ACOXL: variants seen among roughly 807,000 people sequenced by gnomAD.
The protein encoded by ACOXL is acyl-coenzyme A oxidase-like protein.
In ACOXL, 70 loss-of-function variants were observed where a neutral mutation model predicts 71.9. The ratio of observed to expected loss-of-function variants is 0.97; its 90% CI spans 0.80 to 1.19. ACOXL has a LOEUF of 1.19. ACOXL is among the 50% of genes most tolerant of loss of function. The pLI is 0.00. For missense variants in ACOXL, 703 were observed against 736.3 expected, an observed-to-expected ratio of 0.95 and a Z score of 0.52; for synonymous variants, 253 against 281.6, an observed-to-expected ratio of 0.90 and a Z score of 1.02.
intron 17 of ACOXL, chr2:111,098,399 C>T (rs2068927654): frequency 6.6e-6 from 1 of 152,172 alleles, no homozygotes; most frequent in African/African-American, 2.4e-5. Flanking sequence ...TTATCCTGGG[C>T]CTCATGTGGC....
chr2:110,982,527 T>A (rs2062754365), intron 12 of ACOXL, among the ~76,000 whole-genome samples: 1 of 152,146 alleles, frequency 6.6e-6, no homozygotes, highest in African/African-American at 2.4e-5. Flanking sequence ...TGATGGGATG[T>A]CCAGCATCTA....
intron 17 of ACOXL, chr2:111,113,171 T>C (rs1431048176): frequency 6.6e-6 from 1 of 152,146 alleles, no homozygotes; most frequent in African/African-American, 2.4e-5. Flanking sequence ...GGGGAAAAGA[T>C]GAAGGCAAAA....
At position 110,879,714 on chromosome 2, in the gene ACOXL, C is replaced by T. The variant is rs573961936; in HGVS notation, c.789-29075C>T. ...CATGTCTGGAGCCAAGCACTTAGGG[C>T]GTTTTTTTGCTCAGTAACAAGGGCA... On this transcript the variant is annotated intron_variant, in intron 10 of 17. Transcript: ENST00000439055. Among the ~76,000 whole-genome samples the T allele has an allele frequency of 2.0e-5, 3 of 152,118 alleles. 1 individual carries two copies. The highest frequency in any genetic ancestry group is 4.2e-4 in the South Asian group (2 of 4,818).
chr2:110,845,558 AC>A (rs1248611991), intron 10 of ACOXL, among the ~76,000 whole-genome samples: 2 of 152,086 alleles, frequency 1.3e-5, no homozygotes, highest in African/African-American at 4.8e-5. Context: ...GCAAACTGTA[AC>A]TCCATACCCA....
chr2:110,809,361 T>A (rs1188959346), intron 9 of ACOXL, among the ~76,000 whole-genome samples: 1 of 152,220 alleles, frequency 6.6e-6, no homozygotes, highest in East Asian at 1.9e-4. Context: ...GCAGCTGAGC[T>A]GCGGGGCTGC....
chr2:110,990,241 A>G (rs2063117655), intron 13 of ACOXL, among the ~76,000 whole-genome samples: 2 of 152,050 alleles, frequency 1.3e-5, no homozygotes, highest in Non-Finnish European at 2.9e-5. Flanking sequence ...GGGTTGTATA[A>G]TTTTTTCCAT....
At chr2:111,035,195 G>A (rs1429081816) in intron 15 of ACOXL, among the ~76,000 whole-genome samples, 1 of 152,126 alleles carries the variant, frequency 6.6e-6, no homozygotes, top group Non-Finnish European at 1.5e-5. Context: ...CACCCCAGAT[G>A]ACAATGAACT....
chr2:110,805,974 T>C (rs1369040548), intron 9 of ACOXL, among the ~76,000 whole-genome samples: 1 of 152,242 alleles, frequency 6.6e-6, no homozygotes, highest in African/African-American at 2.4e-5. Context: ...TCTCTGGGCC[T>C]TCTCTGTCTC....
At chr2:110,965,557 G>C (rs970129679) in intron 12 of ACOXL, among the ~76,000 whole-genome samples, 3 of 152,196 alleles carry the variant, frequency 2.0e-5, no homozygotes, top group African/African-American at 7.2e-5. Flanking sequence ...ATGACATCAT[G>C]ATGGCAAAGA....
At chr2:111,024,165 A>C (rs985966744) in intron 14 of ACOXL, among the ~76,000 whole-genome samples, 2 of 152,136 alleles carry the variant, frequency 1.3e-5, no homozygotes, top group Non-Finnish European at 2.9e-5. Context: ...ATGACAAAGA[A>C]GGGCCAGGGC....
chr2:111,002,979 A>T (rs2063704119), intron 14 of ACOXL, among the ~76,000 whole-genome samples: 2 of 152,192 alleles, frequency 1.3e-5, no homozygotes, highest in South Asian at 2.1e-4. Context: ...TGGATTTAGG[A>T]TGTTCAATCC....
At chr2:110,916,129 T>TA (rs2059849760) in intron 11 of ACOXL, among the ~76,000 whole-genome samples, 3 of 152,102 alleles carry the variant, frequency 2.0e-5, no homozygotes, top group Admixed American at 6.5e-5. Flanking sequence ...CTTCACTAAT[T>TA]TATAAACTAT....
chr2:110,939,989 T>C (rs1045342683), intron 12 of ACOXL, among the ~76,000 whole-genome samples: 1 of 152,234 alleles, frequency 6.6e-6, no homozygotes, highest in Non-Finnish European at 1.5e-5. Context: ...AATTAGTTTC[T>C]AGACCAGTGG....
At chr2:110,831,517 T>C (rs1689822464) in intron 9 of ACOXL, among the ~76,000 whole-genome samples, 1 of 152,218 alleles carries the variant, frequency 6.6e-6, no homozygotes. Flanking sequence ...GATAAAGTTG[T>C]CAATTCTCCT....
At chr2:111,116,610 G>GT (rs1213791508) in intron 17 of ACOXL, among the ~76,000 whole-genome samples, 1 of 149,746 alleles carries the variant, frequency 6.7e-6, no homozygotes, top group Non-Finnish European at 1.5e-5. Context: ...TGGGGCTGGT[G>GT]TAAGTGATGT....
chr2:110,867,132 G>A (rs188758702), intron 10 of ACOXL, among the ~76,000 whole-genome samples: 206 of 152,308 alleles, frequency 1.4e-3, no homozygotes, highest in Middle Eastern at 3.4e-3. Flanking sequence ...TGGGTGCTGG[G>A]AAGTTAGGTG....
intron 11 of ACOXL, 117 bp downstream of exon 11, chr2:110,909,022 G>A (rs1314448046): frequency 3.8e-6 from 3 of 780,162 alleles, no homozygotes; most frequent in African/African-American, 3.5e-5. Flanking sequence ...GAAAGAGTCT[G>A]TTGTTAAAAT....
At chr2:110,916,864 G>A (rs922550933) in intron 11 of ACOXL, among the ~76,000 whole-genome samples, 1 of 152,186 alleles carries the variant, frequency 6.6e-6, no homozygotes, top group South Asian at 2.1e-4. Context: ...CCAGGAAGAA[G>A]TCGAATCCCT....
intron 9 of ACOXL, among the ~76,000 whole-genome samples, chr2:110,835,029 C>A (rs13417566): frequency 0.39 from 59,819 of 151,974 alleles, 11,983 homozygotes; most frequent in Non-Finnish European, 0.41. Flanking sequence ...TCATTTGGGG[C>A]CTAAAGAGTT....
Sources: allele counts gnomAD v4.1 joint callset (sites outside exome capture counted in the v4.1 genomes callset), GRCh38; gene constraint gnomAD v4.1.1; transcripts MANE v1.5; gene names NCBI Gene and HGNC (gene_info 2026-07-23, HGNC 2026-07-21).